SHISA9: variants seen among roughly 807,000 people sequenced by gnomAD.
The protein encoded by SHISA9 is protein shisa-9.
SHISA9 carries 13 observed loss-of-function variants against 38.0 expected under a neutral mutation model. The observed-to-expected ratio is 0.34, with a 90% CI of 0.22 to 0.54. SHISA9 has a LOEUF of 0.54. SHISA9 is among the 20% of genes least tolerant of loss of function. The pLI is 0.91. For missense variants in SHISA9, 538 were observed against 575.8 expected, an observed-to-expected ratio of 0.93 and a Z score of 0.67; for synonymous variants, 275 against 242.0, an observed-to-expected ratio of 1.14 and a Z score of -1.27.
chr16:13,514,532 A>G, the SHISA9 span, among the ~76,000 whole-genome samples: 1 of 152,162 alleles, frequency 6.6e-6, no homozygotes, highest in African/African-American at 2.4e-5. Context: ...TATATAAAAG[A>G]CCTAACCTGA....
chr16:13,466,810 T>G, the SHISA9 span, among the ~76,000 whole-genome samples: 391 of 152,358 alleles, frequency 2.6e-3, 1 homozygote, highest in African/African-American at 9.0e-3. Context: ...TTTTACATTA[T>G]AGCATTTAGG....
chr16:13,394,812 G>A, the SHISA9 span, among the ~76,000 whole-genome samples: 2 of 152,170 alleles, frequency 1.3e-5, no homozygotes, highest in African/African-American at 4.8e-5. Flanking sequence ...ATGAGAGGCA[G>A]CAATGCTTTG....
chr16:13,210,687 C>T (rs551377688), intron 3 of SHISA9, among the ~76,000 whole-genome samples: 10 of 152,312 alleles, frequency 6.6e-5, no homozygotes, highest in Admixed American at 3.9e-4. Context: ...AAAGGGGGCT[C>T]ACATCACTGA....
chr16:13,261,157 G>A, the SHISA9 span, among the ~76,000 whole-genome samples: 4 of 152,092 alleles, frequency 2.6e-5, no homozygotes, highest in Non-Finnish European at 1.5e-5. Flanking sequence ...GACACAAACC[G>A]TATCAAATGG....
At chr16:12,951,107 G>A (rs1156800929) in intron 2 of SHISA9, among the ~76,000 whole-genome samples, 1 of 148,748 alleles carries the variant, frequency 6.7e-6, no homozygotes, top group Admixed American at 6.8e-5. Context: ...TGTAATCCCA[G>A]CTACTTGGGA....
chr16:13,327,128 A>C, the SHISA9 span, among the ~76,000 whole-genome samples: 3 of 152,004 alleles, frequency 2.0e-5, no homozygotes, highest in Non-Finnish European at 4.4e-5. Context: ...TGATTACTCT[A>C]TGTGAAAGAC....
the SHISA9 span, among the ~76,000 whole-genome samples, chr16:13,464,921 A>G: frequency 6.6e-6 from 1 of 152,114 alleles, no homozygotes; most frequent in Non-Finnish European, 1.5e-5. Flanking sequence ...TCAAACAGAT[A>G]GACAGCTTTT....
the SHISA9 span, among the ~76,000 whole-genome samples, chr16:13,512,985 C>T: frequency 3.3e-5 from 5 of 152,284 alleles, no homozygotes; most frequent in Non-Finnish European, 7.4e-5. Flanking sequence ...AAAGCAATTG[C>T]AACGGAAGCC....
chr16:13,398,981 C>T, the SHISA9 span, among the ~76,000 whole-genome samples: 9 of 152,078 alleles, frequency 5.9e-5, no homozygotes, highest in East Asian at 1.9e-4. Context: ...ACAGATAGGG[C>T]GTGGTGGTTC....
At chr16:13,223,548 C>A (rs1050618572) in intron 4 of SHISA9, among the ~76,000 whole-genome samples, 2 of 152,186 alleles carry the variant, frequency 1.3e-5, no homozygotes, top group Non-Finnish European at 2.9e-5. Flanking sequence ...TTTTTCAAGA[C>A]TGGGGGCTCT....
chr16:13,543,189 G>T, the SHISA9 span, among the ~76,000 whole-genome samples: 1 of 152,112 alleles, frequency 6.6e-6, no homozygotes, highest in African/African-American at 2.4e-5. Context: ...AGGTAGATGG[G>T]GTGTGGGATG....
At chr16:13,044,882 T>C (rs2073169504) in intron 2 of SHISA9, among the ~76,000 whole-genome samples, 1 of 152,186 alleles carries the variant, frequency 6.6e-6, no homozygotes, top group Non-Finnish European at 1.5e-5. Context: ...TCATAAAAAG[T>C]CAAATAAAAA....
chr16:13,301,166 G>C, the SHISA9 span, among the ~76,000 whole-genome samples: 12 of 152,292 alleles, frequency 7.9e-5, no homozygotes, highest in African/African-American at 2.9e-4. Context: ...CATCTCACCA[G>C]AGCCTGGATG....
At chr16:13,014,046 A>G (rs2072712040) in intron 2 of SHISA9, among the ~76,000 whole-genome samples, 1 of 152,130 alleles carries the variant, frequency 6.6e-6, no homozygotes, top group Non-Finnish European at 1.5e-5. Flanking sequence ...AATACCTTTA[A>G]AGCCCTTGCC....
chr16:13,469,419 A>AAG, the SHISA9 span, among the ~76,000 whole-genome samples: 1 of 112,952 alleles, frequency 8.9e-6, no homozygotes, highest in Admixed American at 7.9e-5. Flanking sequence ...GAAAGAAAGA[A>AAG]AGAAAAAGAA....
At chr16:13,300,690 C>T in the SHISA9 span, among the ~76,000 whole-genome samples, 1 of 152,188 alleles carries the variant, frequency 6.6e-6, no homozygotes, top group African/African-American at 2.4e-5. Flanking sequence ...GTGTCACTGA[C>T]TCTTGTCTCC....
intron 2 of SHISA9, among the ~76,000 whole-genome samples, chr16:13,168,563 C>G (rs1182923711): frequency 6.6e-6 from 1 of 152,198 alleles, no homozygotes; most frequent in Non-Finnish European, 1.5e-5. Context: ...AGCCTTGTCT[C>G]TCTACTACAC....
chr16:13,372,909 G>T, the SHISA9 span, among the ~76,000 whole-genome samples: 2 of 78,464 alleles, frequency 2.5e-5, no homozygotes, highest in Admixed American at 2.8e-4. Flanking sequence ...AAATTTTAAT[G>T]ACATAGATAT....
At chr16:13,420,398 A>G in the SHISA9 span, among the ~76,000 whole-genome samples, 80 of 151,950 alleles carry the variant, frequency 5.3e-4, no homozygotes, top group Non-Finnish European at 1.0e-3. Flanking sequence ...CCAGCCTAGG[A>G]GTAAAAAGCC....
Sources: allele counts gnomAD v4.1 joint callset (sites outside exome capture counted in the v4.1 genomes callset), GRCh38; gene constraint gnomAD v4.1.1; transcripts MANE v1.5; gene names NCBI Gene and HGNC (gene_info 2026-07-23, HGNC 2026-07-21).